The following EPHA8 variants were observed in gnomAD, a reference collection of about 807,000 sequenced individuals.
EPHA8 encodes ephrin type-A receptor 8.
Under a neutral mutation model 103.6 loss-of-function variants are expected in EPHA8, and 58 were observed. The ratio of observed to expected loss-of-function variants is 0.56; its 90% CI spans 0.45 to 0.70. The LOEUF (loss-of-function observed/expected upper bound fraction) is 0.70, where lower values mean the gene tolerates loss of function less well. Among genes scored for constraint, EPHA8 ranks in the 30% least tolerant of loss-of-function variants. The pLI, the probability that EPHA8 is intolerant of heterozygous loss-of-function variation, is 0.00. For synonymous variants in EPHA8, 559 were observed against 572.5 expected (o/e 0.98, Z 0.34); for missense variants, 1,304 against 1,395.2 (o/e 0.93, Z 1.04).
At chr1:22,596,654 T>A (rs192473626) in intron 9 of EPHA8, among the ~76,000 whole-genome samples, 47 of 151,946 alleles carry the variant, frequency 3.1e-4, no homozygotes, top group Non-Finnish European at 7.4e-5. Flanking sequence ...TTTATTATTT[T>A]TTATTTTTTA....
chr1:22,565,390 G>A (rs942522253), intron 1 of EPHA8, among the ~76,000 whole-genome samples: 4 of 152,168 alleles, frequency 2.6e-5, no homozygotes, highest in African/African-American at 9.7e-5. Flanking sequence ...ACCAGGAGAG[G>A]TCTGGGGTTG....
Position 22,601,630 on chromosome 1 carries a change from C to T in EPHA8, c.2907C>T (p.Asp969=), listed in dbSNP as rs1433765513. 16 of 1,590,868 alleles carry T rather than the reference C, an allele frequency of 1.0e-5. No homozygotes were observed. The highest frequency in any genetic ancestry group is 7.0e-5 in the East Asian group (3 of 43,036). ...LGMVLRMNAQ[D]VRALGITLMG... The stretch of plus-strand genomic sequence containing the variant: ...CAGCAGCACCCTTCCTTCACAGGGA[C>T]GTGCGCGCCCTGGGCATCACCCTCA... Residue 969 remains aspartate (D), a synonymous_variant, in exon 17 of 17, where the codon GAC becomes GAT. Coordinates refer to ENST00000166244, the MANE Select transcript of EPHA8 (RefSeq NM_020526.5).
chr1:22,586,854 A>G (rs951250083), intron 4 of EPHA8, among the ~76,000 whole-genome samples: 2 of 152,084 alleles, frequency 1.3e-5, no homozygotes, highest in African/African-American at 4.8e-5. Context: ...TGTGTCACCT[A>G]CACTGGAGGG....
At chr1:22,600,207 AGGAAGGT>A (rs1641680729) in intron 13 of EPHA8, among the ~76,000 whole-genome samples, 1 of 116,746 alleles carries the variant, frequency 8.6e-6, no homozygotes, top group Non-Finnish European at 1.8e-5. Context: ...GGAGGGAGGG[AGGAAGGT>A]GGGAGGGAAA....
intron 2 of EPHA8, among the ~76,000 whole-genome samples, chr1:22,573,548 GC>G (rs151141294): frequency 0.013 from 2,040 of 152,198 alleles, 50 homozygotes; most frequent in African/African-American, 0.047. Flanking sequence ...TGGTCATGAA[GC>G]CCCCCTCCCC....
Position 22,589,468 on chromosome 1 carries a change from TTCCCTC to T in EPHA8, c.1315+265_1315+270del, listed in dbSNP as rs920260724. The T allele has an allele frequency of 3.4e-6, 5 of 1,481,406 alleles. No homozygotes were observed. Among genetic ancestry groups the T allele is most frequent in the Non-Finnish European group, 4.4e-6 (5 of 1,124,556 alleles). 91.8% of individuals were successfully genotyped at this position (1,481,406 alleles called of 1,614,324 possible). A position where few individuals can be genotyped will look rare whatever the true frequency, so the allele number is the denominator to read the frequency against. ...CGTCGAAAGCCTAGGTTCCAGAACT[TTCCCTC>T]TCTGTGCCTCAGTTTCCTCCCTGGT... On this transcript the variant is annotated intron_variant, in intron 5 of 16. Transcript: ENST00000166244. The surrounding 1 kb of genome is among the most constrained non-coding windows in gnomAD (Gnocchi z 4.3).
chr1:22,572,199 C>A (rs994537974), intron 2 of EPHA8, among the ~76,000 whole-genome samples: 18 of 152,144 alleles, frequency 1.2e-4, no homozygotes, highest in Non-Finnish European at 2.6e-4. Flanking sequence ...GAAATGTTAC[C>A]CGATTATCAG....
intron 8 of EPHA8, among the ~76,000 whole-genome samples, chr1:22,595,898 A>G (rs1402584377): frequency 1.3e-5 from 2 of 152,224 alleles, no homozygotes; most frequent in Non-Finnish European, 2.9e-5. Flanking sequence ...AGGATCCCAC[A>G]GTGCTTGTGA....
Position 22,601,357 on chromosome 1 carries a change from C to G in EPHA8, c.2787C>G (p.Gly929=). Residue 929 remains glycine, a synonymous_variant, in exon 16 of 17, where the codon GGC becomes GGG. Transcript: ENST00000166244. The stretch of plus-strand genomic sequence containing the variant: ...TTGACCTCCGAGGGGGCAGCGGTGG[C>G]GGTGGGGGCCTCACCGTGGGGGACT... ...SCFDLRGGSG[G]GGGLTVGDWL... The G allele has an allele frequency of 6.2e-7, 1 of 1,608,498 alleles. No homozygotes were observed. The highest frequency in any genetic ancestry group is 8.5e-7 in the Non-Finnish European group (1 of 1,178,722).
rs1355619976 is a variant in EPHA8, at chr1:22,576,173, A to C, written c.160-44A>C. The C allele has an allele frequency of 1.9e-6, 3 of 1,554,722 alleles. No individual in the cohort carries two copies. The highest frequency in any genetic ancestry group is 1.7e-4 in the Middle Eastern group (1 of 5,744). On this transcript the variant is annotated intron_variant, in intron 2 of 16. Transcript: ENST00000166244. This position sits in a 1 kb window ranked among gnomAD's most constrained non-coding sequence, Gnocchi z 4.8. Reference sequence around the variant, plus strand: ...ACAGGGTCATTGGCAAAAGAGGGTGAGGTGCTGGCTCTGCTGTAGTGGCTG... The same window carrying C: ...ACAGGGTCATTGGCAAAAGAGGGTGCGGTGCTGGCTCTGCTGTAGTGGCTG...
At chr1:22,578,046 CATGTGTGTGCATGTGT>C (rs1640798436) in intron 3 of EPHA8, among the ~76,000 whole-genome samples, 1 of 45,446 alleles carries the variant, frequency 2.2e-5, no homozygotes, top group Non-Finnish European at 4.7e-5. Context: ...TATGTATGTG[CATGTGTGTGCATGTGT>C]GCATGAGTAT....
chr1:22,589,527 G>T lies in EPHA8; in HGVS notation c.1315+321G>T. 3 of 1,392,786 alleles carry T rather than the reference G, an allele frequency of 2.2e-6. No individual in the cohort carries two copies. The highest frequency in any genetic ancestry group is 1.9e-6 in the Non-Finnish European group (2 of 1,077,976). The allele number at this position is 1,392,786 out of a possible 1,614,324, so 86.3% of individuals were successfully genotyped here. On this transcript the variant is annotated intron_variant, in intron 5 of 16. Coordinates refer to ENST00000166244, the MANE Select transcript of EPHA8 (RefSeq NM_020526.5). This position sits in a 1 kb window ranked among gnomAD's most constrained non-coding sequence, Gnocchi z 4.3. ...AATGGGAATAATAGTACCTGCCTGA[G>T]GTCCTCTCAGGAGGCTTAAATGAGA...
chr1:22,570,571 T>C (rs1257552909), intron 2 of EPHA8, among the ~76,000 whole-genome samples: 1 of 152,258 alleles, frequency 6.6e-6, no homozygotes, highest in Non-Finnish European at 1.5e-5. Flanking sequence ...TGACTTTGGG[T>C]AGAGTTTTCA....
In EPHA8 at chr1:22,597,583, G is replaced by T; in HGVS notation, c.1931-93G>T. The stretch of plus-strand genomic sequence containing the variant: ...GAGGGAGCGTGTGACCCAGGGGTCT[G>T]GCAAGCCCAGGGGGTCCAAGGGCCT... On this transcript the variant is annotated intron_variant, in intron 10 of 16. Coordinates refer to ENST00000166244, the MANE Select transcript of EPHA8 (RefSeq NM_020526.5). The surrounding 1 kb of genome is among the most constrained non-coding windows in gnomAD (Gnocchi z 4.6). 3.9e-6 allele frequency: 6 copies of T among 1,551,590 alleles called. No individual in the cohort carries two copies. Among genetic ancestry groups the T allele is most frequent in the Non-Finnish European group, 5.2e-6 (6 of 1,147,138 alleles).
rs1387189639 is a variant in EPHA8 at position 22,576,621 on chromosome 1, A to G, written c.564A>G (p.Ile188Met). The G allele has an allele frequency of 1.2e-6, 2 of 1,613,872 alleles. No homozygotes were observed. The highest frequency in any genetic ancestry group is 1.7e-5 in the Admixed American group (1 of 60,018). ...GCTTCTACCTGGCCTTCCAGGACATAGGTGCCTGCCTGGCCATCCTCTCTC... is the reference window on the plus strand; with the variant it reads ...GCTTCTACCTGGCCTTCCAGGACATGGGTGCCTGCCTGGCCATCCTCTCTC... The part of the protein sequence containing the change: ...KRGFYLAFQD[I>M]GACLAILSLR... The change falls in exon 3 of 17, where the codon ATA becomes ATG. Residue 188 changes from isoleucine to methionine, a missense_variant. Transcript: ENST00000166244. The surrounding 1 kb of genome is among the most constrained non-coding windows in gnomAD (Gnocchi z 4.8).
chr1:22,594,502 C>G (rs1407229603), intron 7 of EPHA8, among the ~76,000 whole-genome samples: 1 of 152,238 alleles, frequency 6.6e-6, no homozygotes, highest in South Asian at 2.1e-4. Flanking sequence ...TGGGTTTTAA[C>G]AAGTCCTCGG....
chr1:22,576,166 G>C lies in EPHA8; in HGVS notation c.160-51G>C, dbSNP rs1640683715. On this transcript the variant is annotated intron_variant, in intron 2 of 16. Transcript: ENST00000166244. This position sits in a 1 kb window ranked among gnomAD's most constrained non-coding sequence, Gnocchi z 4.8. Reference sequence around the variant, plus strand: ...ACAGAACACAGGGTCATTGGCAAAAGAGGGTGAGGTGCTGGCTCTGCTGTA... The same window carrying C: ...ACAGAACACAGGGTCATTGGCAAAACAGGGTGAGGTGCTGGCTCTGCTGTA... 6.5e-7 allele frequency: 1 copy of C among 1,547,218 alleles called. No homozygotes were observed. Among genetic ancestry groups the C allele is most frequent in the Admixed American group, 1.9e-5 (1 of 52,284 alleles).
chr1:22,593,784 G>C, intron 7 of EPHA8, 98 bp downstream of exon 7: 1 of 1,360,750 alleles, frequency 7.3e-7, no homozygotes, highest in Non-Finnish European at 9.7e-7. Context: ...GGCTGAGCCA[G>C]TGCCAATGCA....
rs144329757 is a variant in EPHA8 at position 22,597,366 on chromosome 1, C to A, written c.1820C>A (p.Pro607His). The A allele has an allele frequency of 9.5e-3, 15,302 of 1,613,410 alleles. 92 individuals carry two copies. The highest frequency in any genetic ancestry group is 0.011 in the Non-Finnish European group (12,942 of 1,179,956). Residue 607 changes from proline to histidine, a missense_variant, in exon 10 of 17, where the codon CCC (proline) becomes CAC (histidine). By Grantham distance (77) the Pro-to-His change is moderately conservative. Coordinates refer to ENST00000166244, the MANE Select transcript of EPHA8 (RefSeq NM_020526.5). This position sits in a 1 kb window ranked among gnomAD's most constrained non-coding sequence, Gnocchi z 4.6. ...CACCCCCCGGGAAAGCTCCCAGAGC[C>A]CCAGTTCTATGCGGAACCCCACACC... ...LHHPPGKLPEPQFYAEPHTYE... is the reference protein window; with the variant it reads ...LHHPPGKLPEHQFYAEPHTYE...
Sources: gnomAD v4.1 joint callset for allele counts (sites outside exome capture counted in the v4.1 genomes callset) on GRCh38, gnomAD v4.1.1 for gene constraint, Gnocchi (gnomAD v3.1) non-coding constraint, MANE v1.5 for transcripts, NCBI Gene and HGNC (gene_info 2026-07-23, HGNC 2026-07-21) for gene names.